The following TSNAX variants were observed in gnomAD, a reference collection of about 807,000 sequenced individuals.
TSNAX encodes translin-associated protein X.
Under a neutral mutation model 33.0 loss-of-function variants are expected in TSNAX, and 12 were observed. The observed-to-expected ratio is 0.36, with a 90% confidence interval of 0.23 to 0.59. The LOEUF is 0.59. TSNAX is among the 20% of genes least tolerant of loss of function. TSNAX has a pLI of 0.74. For synonymous variants in TSNAX, 110 were observed against 117.2 expected (o/e 0.94, Z 0.40); for missense variants, 267 against 341.3 (o/e 0.78, Z 1.72).
intron 4 of TSNAX, among the ~76,000 whole-genome samples, chr1:231,555,625 T>A (rs201593679): frequency 4.7e-4 from 72 of 152,304 alleles, no homozygotes; most frequent in African/African-American, 1.6e-3. Context: ...TGCTAATTTT[T>A]AAAAAAATCA....
intron 3 of TSNAX, among the ~76,000 whole-genome samples, chr1:231,538,642 A>G (rs1031401401): frequency 2.6e-5 from 4 of 152,226 alleles, no homozygotes; most frequent in Non-Finnish European, 5.9e-5. Flanking sequence ...GTTTTATACT[A>G]TATGTCACAG....
chr1:231,545,977 C>T (rs367594394), intron 4 of TSNAX, among the ~76,000 whole-genome samples: 1 of 152,196 alleles, frequency 6.6e-6, no homozygotes, highest in Non-Finnish European at 1.5e-5. Context: ...ACTTTACAAC[C>T]TAACTCCTAG....
intron 4 of TSNAX, among the ~76,000 whole-genome samples, chr1:231,555,336 G>A (rs1484067139): frequency 6.6e-6 from 1 of 152,138 alleles, no homozygotes; most frequent in Non-Finnish European, 1.5e-5. Context: ...TTACTTACAT[G>A]AGGTACCCAG....
intron 2 of TSNAX, chr1:231,534,066 T>G (rs1232132697): frequency 6.6e-6 from 1 of 152,236 alleles, no homozygotes; most frequent in Non-Finnish European, 1.5e-5. Context: ...TGGAACAGTT[T>G]CCCAGTTTTG....
Position 231,565,859 on chromosome 1 carries a change from G to A in TSNAX, c.*954G>A, listed in dbSNP as rs1221130253. 6.6e-6 allele frequency: 1 copy of A among 152,000 alleles called. No homozygotes were observed. Among genetic ancestry groups the A allele is most frequent in the Non-Finnish European group, 1.5e-5 (1 of 68,002 alleles). 9.4% of individuals were successfully genotyped at this position (152,000 alleles called of 1,614,324 possible). A position where few individuals can be genotyped will look rare whatever the true frequency, so the allele number is the denominator to read the frequency against. On this transcript the variant is annotated 3_prime_UTR_variant, in exon 6 of 6. Transcript: ENST00000366639. ...ATAAAAATTTGACAGGTGCCCAGATGTTGCTTTCTCCATTTATTTTTTGTT... is the reference window on the plus strand; with the variant it reads ...ATAAAAATTTGACAGGTGCCCAGATATTGCTTTCTCCATTTATTTTTTGTT...
intron 4 of TSNAX, among the ~76,000 whole-genome samples, chr1:231,558,714 G>A: frequency 6.6e-6 from 1 of 151,920 alleles, no homozygotes; most frequent in Non-Finnish European, 1.5e-5. Flanking sequence ...CTTTGGGGGG[G>A]AACTGGGCGG....
intron 5 of TSNAX, among the ~76,000 whole-genome samples, chr1:231,562,032 A>AT (rs939194740): frequency 6.6e-6 from 1 of 151,764 alleles, no homozygotes; most frequent in African/African-American, 2.4e-5. Context: ...AACAAATACT[A>AT]TTTTTTTCCT....
At chr1:231,556,294 A>G (rs1423377520) in intron 4 of TSNAX, among the ~76,000 whole-genome samples, 2 of 152,366 alleles carry the variant, frequency 1.3e-5, no homozygotes, top group South Asian at 2.1e-4. Flanking sequence ...TAAAAGTACT[A>G]GATGCCATGA....
intron 2 of TSNAX, among the ~76,000 whole-genome samples, chr1:231,531,542 C>G (rs1274105256): frequency 6.6e-6 from 1 of 152,146 alleles, no homozygotes; most frequent in African/African-American, 2.4e-5. Flanking sequence ...ACTTTGTGTT[C>G]ATAGTGTCTG....
rs769865725 is a variant in TSNAX at position 231,561,254 on chromosome 1, CTG to C, written c.495+2_495+3del. The C allele has an allele frequency of 2.4e-5, 36 of 1,507,870 alleles. No individual in the cohort carries two copies. The highest frequency in any genetic ancestry group is 4.3e-5 in the African/African-American group (3 of 70,448). 93.4% of individuals were successfully genotyped at this position (1,507,870 alleles called of 1,614,324 possible). ...GAAGACAATGGGAAAGAAAATAAAA[CTG>C]TGAGAATTTAAAATTTATTTCACAT... On this transcript the variant is annotated splice_donor_variant and coding_sequence_variant, in exon 5 of 6. Coordinates refer to ENST00000366639, the MANE Select transcript of TSNAX (RefSeq NM_005999.3). LOFTEE classifies it high-confidence loss of function.
intron 4 of TSNAX, among the ~76,000 whole-genome samples, chr1:231,560,359 A>G (rs916017084): frequency 1.4e-5 from 2 of 146,666 alleles, no homozygotes; most frequent in Admixed American, 6.9e-5. Context: ...TAATTTATAT[A>G]ATTTTTATTA....
intron 4 of TSNAX, among the ~76,000 whole-genome samples, chr1:231,557,384 A>G (rs1261836292): frequency 2.0e-5 from 3 of 152,184 alleles, no homozygotes; most frequent in South Asian, 2.1e-4. Flanking sequence ...AAGTGGCACA[A>G]AATGCTGAAT....
At chr1:231,563,800 G>A (rs1199324534) in intron 5 of TSNAX, among the ~76,000 whole-genome samples, 1 of 152,086 alleles carries the variant, frequency 6.6e-6, no homozygotes, top group South Asian at 2.1e-4. Flanking sequence ...CCTGAGGAGA[G>A]TGGTGAAAGG....
rs74679839 is a variant in TSNAX at position 231,546,195 on chromosome 1, C to G, written c.367+3584C>G. 7.9e-5 allele frequency among the ~76,000 whole-genome samples: 12 copies of G among 152,256 alleles called. No homozygotes were observed. The East Asian group carries it at 2.3e-3, about 29-fold the overall frequency. On this transcript the variant is annotated intron_variant, in intron 4 of 5. Transcript: ENST00000366639. ...CATTCCTGTTTTTCACTTTATATAT[C>G]CCAGACACCTAATAAGTCTCCCGAA... is the stretch of plus-strand genomic sequence containing the variant.
chr1:231,528,898 C>T, intron 1 of TSNAX, 72 bp downstream of exon 1: 2 of 1,590,200 alleles, frequency 1.3e-6, no homozygotes, highest in Non-Finnish European at 1.7e-6. Flanking sequence ...ATGCAGTTTT[C>T]CCCTTTTCAC....
rs1278036408 is a variant in TSNAX at position 231,529,487 on chromosome 1, G to A, written c.121+128G>A. On this transcript the variant is annotated intron_variant, in intron 2 of 5. Transcript: ENST00000366639. ...AGCTGGAGGTTTTGTGATGGCGCTAGATGTACCCTAAAAGTCTGGATTACA... is the reference window on the plus strand; with the variant it reads ...AGCTGGAGGTTTTGTGATGGCGCTAAATGTACCCTAAAAGTCTGGATTACA... The A allele has an allele frequency of 8.3e-6, 7 of 848,330 alleles. No individual in the cohort carries two copies. The East Asian group carries it at 1.8e-4, about 22-fold the overall frequency. 52.6% of individuals were successfully genotyped at this position (848,330 alleles called of 1,614,324 possible).
rs764881773 is a variant in TSNAX at position 231,537,297 on chromosome 1, G to A, written c.206G>A (p.Arg69Lys). ...CGGGATATAACTGTTGAAAGTAAAA[G>A]GACAATTTTTCTCCTCCATAGGATT... ...LSRDITVESK[R>K]TIFLLHRITS... The change falls in exon 3 of 6, where the codon AGG (arginine) becomes AAG (lysine). Residue 69 changes from arginine to lysine, a missense_variant. This residue lies in a region of TSNAX where 200 missense variants were observed against 214.1 expected (regional missense o/e 0.93). Transcript: ENST00000366639. The A allele has an allele frequency of 1.2e-6, 2 of 1,613,204 alleles. No individual in the cohort carries two copies. The highest frequency in any genetic ancestry group is 1.3e-5 in the African/African-American group (1 of 74,956).
intron 2 of TSNAX, among the ~76,000 whole-genome samples, chr1:231,532,186 A>ACACACAC (rs56906748): frequency 8.6e-6 from 1 of 115,952 alleles, no homozygotes; most frequent in Non-Finnish European, 1.8e-5. Flanking sequence ...ACACACACAC[A>ACACACAC]GTTTTGGTTT....
At position 231,562,891 on chromosome 1, in the gene TSNAX, A is replaced by G. The variant is rs377671851; in HGVS notation, c.495+1636A>G. ...AATTTCAAACATGCAGAAAAATAGA[A>G]TGGAAACATTAGTGCCACTAACTAG... On this transcript the variant is annotated intron_variant, in intron 5 of 5. Transcript: ENST00000366639. Among the ~76,000 whole-genome samples the G allele has an allele frequency of 3.9e-5, 6 of 152,302 alleles. No homozygotes were observed. In the East Asian group the frequency reaches 9.6e-4, roughly 24 times the overall value.
Sources: allele counts gnomAD v4.1 joint callset (sites outside exome capture counted in the v4.1 genomes callset), GRCh38; gene constraint gnomAD v4.1.1; regional missense constraint gnomAD v4.1.1; transcripts MANE v1.5; gene names NCBI Gene and HGNC (gene_info 2026-07-23, HGNC 2026-07-21).